Variants in AKAP13 observed in about 807,000 individuals in gnomAD.
AKAP13 encodes A-kinase anchor protein 13.
Under a neutral mutation model 264.5 loss-of-function variants are expected in AKAP13, and 80 were observed. The observed-to-expected ratio is 0.30, with a 90% CI of 0.25 to 0.36. The LOEUF (loss-of-function observed/expected upper bound fraction) is 0.36. AKAP13 is among the 10% of genes least tolerant of loss of function. The probability of loss-of-function intolerance (pLI) is 1.00; values close to 1 mark genes in which losing one functional copy is unlikely to be tolerated. For synonymous variants in AKAP13, 1,380 were observed against 1,250.2 expected, an observed-to-expected ratio of 1.10 and a Z score of -2.19; for missense variants, 3,712 against 3,435.2, an observed-to-expected ratio of 1.08 and a Z score of -2.01.
At chr15:85,595,057 C>T (rs1282851200) in intron 8 of AKAP13, among the ~76,000 whole-genome samples, 2 of 151,994 alleles carry the variant, frequency 1.3e-5, no homozygotes, top group African/African-American at 4.8e-5. Context: ...GATTATTTTT[C>T]CCTGGACAAA....
At chr15:85,602,700 G>A (rs1331990170) in intron 8 of AKAP13, among the ~76,000 whole-genome samples, 3 of 152,118 alleles carry the variant, frequency 2.0e-5, no homozygotes, top group Non-Finnish European at 4.4e-5. Context: ...ATGTTGGCCA[G>A]CCTGGTCTTG....
intron 5 of AKAP13, among the ~76,000 whole-genome samples, chr15:85,570,549 AAAGAGG>A (rs1271563461): frequency 2.0e-5 from 3 of 152,202 alleles, no homozygotes; most frequent in Admixed American, 6.5e-5. Flanking sequence ...TCCCTGAAGG[AAAGAGG>A]AAGAGGAAGA....
At chr15:85,477,232 C>T (rs758986730) in intron 1 of AKAP13, among the ~76,000 whole-genome samples, 8 of 151,696 alleles carry the variant, frequency 5.3e-5, no homozygotes, top group African/African-American at 1.5e-4. Context: ...GTCAGAGGTG[C>T]GAGTGGGGCA....
intron 5 of AKAP13, 193 bp downstream of exon 5, chr15:85,544,148 G>C: frequency 1.4e-6 from 1 of 728,752 alleles, no homozygotes; most frequent in Non-Finnish European, 2.4e-6. Context: ...AGAAACGTAA[G>C]TCGTGTTAAC....
At chr15:85,650,755 CAAAAAAAAAAAAAAAA>C (rs66624781) in intron 10 of AKAP13, among the ~76,000 whole-genome samples, 94 of 32,620 alleles carry the variant, frequency 2.9e-3, no homozygotes, top group African/African-American at 4.9e-3. Flanking sequence ...GACTCCATCT[CAAAAAAAAAAAAAAAA>C]AAAAAAAAAA....
chr15:85,661,235 G>A (rs1415600937), intron 12 of AKAP13, among the ~76,000 whole-genome samples: 2 of 152,094 alleles, frequency 1.3e-5, no homozygotes, highest in Non-Finnish European at 2.9e-5. Context: ...GTTTTAGCTA[G>A]TGGTGTTTAC....
At chr15:85,739,511 A>G (rs1445569830) in intron 33 of AKAP13, among the ~76,000 whole-genome samples, 1 of 151,834 alleles carries the variant, frequency 6.6e-6, no homozygotes, top group East Asian at 1.9e-4. Context: ...TAAATGAAAG[A>G]TTTTTCCATT....
intron 2 of AKAP13, among the ~76,000 whole-genome samples, chr15:85,510,015 G>T (rs1020955073): frequency 6.6e-6 from 1 of 152,260 alleles, no homozygotes; most frequent in African/African-American, 2.4e-5. Context: ...TGAGAAGACT[G>T]TGGGAGGCCT....
intron 1 of AKAP13, among the ~76,000 whole-genome samples, chr15:85,420,995 G>A (rs572757494): frequency 2.0e-5 from 3 of 152,294 alleles, no homozygotes; most frequent in East Asian, 1.9e-4. Flanking sequence ...GTTGAATTAT[G>A]TGAAGGTCTG....
intron 2 of AKAP13, among the ~76,000 whole-genome samples, chr15:85,512,723 A>G (rs1460619818): frequency 6.6e-6 from 1 of 152,134 alleles, no homozygotes; most frequent in African/African-American, 2.4e-5. Context: ...TCAGCCCCTC[A>G]CCTGCAGTAG....
intron 2 of AKAP13, among the ~76,000 whole-genome samples, chr15:85,493,148 G>A (rs56406982): frequency 0.51 from 77,195 of 151,814 alleles, 20,167 homozygotes; most frequent in Middle Eastern, 0.59. Flanking sequence ...TTAAGGGGGC[G>A]TTGTCTCTGC....
intron 5 of AKAP13, among the ~76,000 whole-genome samples, chr15:85,553,117 GCT>G (rs1486497400): frequency 1.0e-5 from 1 of 95,290 alleles, no homozygotes; most frequent in Non-Finnish European, 2.0e-5. Context: ...ACGGAGTTTC[GCT>G]CTTTTTGCCC....
At chr15:85,665,861 A>G (rs1197982043) in intron 13 of AKAP13, among the ~76,000 whole-genome samples, 1 of 152,184 alleles carries the variant, frequency 6.6e-6, no homozygotes, top group Non-Finnish European at 1.5e-5. Context: ...ACATGAACTC[A>G]TCCTTTTTTA....
intron 8 of AKAP13, among the ~76,000 whole-genome samples, chr15:85,623,400 T>C (rs1407349194): frequency 6.6e-6 from 1 of 152,184 alleles, no homozygotes; most frequent in Non-Finnish European, 1.5e-5. Context: ...GTATTCCACA[T>C]TTAACAACTC....
At chr15:85,421,044 G>A (rs1435231334) in intron 1 of AKAP13, among the ~76,000 whole-genome samples, 1 of 152,144 alleles carries the variant, frequency 6.6e-6, no homozygotes, top group African/African-American at 2.4e-5. Flanking sequence ...TTAAACAAAG[G>A]TATAGATGGA....
chr15:85,682,343 A>C, intron 15 of AKAP13, 131 bp downstream of exon 15: 1 of 927,174 alleles, frequency 1.1e-6, no homozygotes, highest in Non-Finnish European at 1.6e-6. Context: ...AACTTGGAAT[A>C]ATGATTAAAA....
chr15:85,620,801 ATGTTTGG>A (rs1025574659), intron 8 of AKAP13, among the ~76,000 whole-genome samples: 2 of 152,066 alleles, frequency 1.3e-5, no homozygotes, highest in African/African-American at 4.8e-5. Flanking sequence ...CGCATTAGTG[ATGTTTGG>A]TGTCTAAGCA....
intron 8 of AKAP13, among the ~76,000 whole-genome samples, chr15:85,587,422 A>G (rs1596615520): frequency 6.6e-6 from 1 of 152,180 alleles, no homozygotes; most frequent in African/African-American, 2.4e-5. Context: ...GTTCCGTTGT[A>G]TAGATATACC....
chr15:85,550,774 C>A (rs2077934570), intron 5 of AKAP13, among the ~76,000 whole-genome samples: 1 of 152,322 alleles, frequency 6.6e-6, no homozygotes, highest in Middle Eastern at 3.4e-3. Context: ...AATTCCCATT[C>A]ATCAGTCTGT....
Sources: gnomAD v4.1 joint callset for allele counts (sites outside exome capture counted in the v4.1 genomes callset) on GRCh38, gnomAD v4.1.1 for gene constraint, MANE v1.5 for transcripts, NCBI Gene and HGNC (gene_info 2026-07-23, HGNC 2026-07-21) for gene names.